Variants in ADGRL3 observed in about 807,000 individuals in gnomAD.
The protein encoded by ADGRL3 is adhesion G protein-coupled receptor L3.
Under a neutral mutation model 153.5 loss-of-function variants are expected in ADGRL3, and 62 were observed. The ratio of observed to expected loss-of-function variants is 0.40; its 90% confidence interval spans 0.33 to 0.50. The LOEUF is 0.50. Ranked by LOEUF, ADGRL3 falls within the 20% of genes least tolerant of loss-of-function variation. ADGRL3 has a pLI of 0.47. For missense variants in ADGRL3, 1,641 were observed against 1,859.4 expected, an observed-to-expected ratio of 0.88 and a Z score of 2.16; for synonymous variants, 710 against 672.5, an observed-to-expected ratio of 1.06 and a Z score of -0.86.
intron 8 of ADGRL3, among the ~76,000 whole-genome samples, chr4:61,777,221 T>C (rs2097162409): frequency 6.6e-6 from 1 of 151,938 alleles, no homozygotes; most frequent in Non-Finnish European, 1.5e-5. Flanking sequence ...TAGAACCAGC[T>C]ACTCGGGAGG....
intron 11 of ADGRL3, among the ~76,000 whole-genome samples, chr4:61,897,518 C>T (rs1408071756): frequency 6.6e-6 from 1 of 152,162 alleles, no homozygotes; most frequent in East Asian, 1.9e-4. Context: ...ACTCAGTTAC[C>T]TATGCTGTCC....
In ADGRL3 at chr4:61,202,432, G is replaced by C. The variant is rs1297897576; in HGVS notation, c.-240+667G>C. On this transcript the variant is annotated intron_variant, in intron 1 of 26. Coordinates refer to ENST00000683033, the MANE Select transcript of ADGRL3 (RefSeq NM_001387552.1). This position sits in a 1 kb window ranked among gnomAD's most constrained non-coding sequence, Gnocchi z 5.0. The stretch of plus-strand genomic sequence containing the variant: ...GTTTAGACCTGCGTGCCCAGGCTTT[G>C]TTAGGCGGTTTTGGCTGGAGAAAGC... Among the ~76,000 whole-genome samples, 1 of 152,166 alleles carries C rather than the reference G, an allele frequency of 6.6e-6. No individual in the cohort carries two copies.
intron 5 of ADGRL3, among the ~76,000 whole-genome samples, chr4:61,612,570 T>A (rs960443162): frequency 6.6e-6 from 1 of 152,200 alleles, no homozygotes; most frequent in African/African-American, 2.4e-5. Flanking sequence ...GTTATTACCT[T>A]CAGTAGATAG....
intron 8 of ADGRL3, among the ~76,000 whole-genome samples, chr4:61,799,657 A>G (rs2097465134): frequency 6.6e-6 from 1 of 151,950 alleles, no homozygotes; most frequent in Non-Finnish European, 1.5e-5. Context: ...AGTGTTTTGA[A>G]CCTCAGGCAA....
chr4:61,656,838 T>A (rs2094455181), intron 5 of ADGRL3, among the ~76,000 whole-genome samples: 1 of 152,112 alleles, frequency 6.6e-6, no homozygotes, highest in Non-Finnish European at 1.5e-5. Context: ...AATTTAAACA[T>A]TTTAGATGTC....
intron 26 of ADGRL3, among the ~76,000 whole-genome samples, chr4:62,069,267 A>C (rs1236758879): frequency 6.6e-6 from 1 of 152,144 alleles, no homozygotes; most frequent in Non-Finnish European, 1.5e-5. Flanking sequence ...TATAATGGTA[A>C]CATTAATACT....
intron 19 of ADGRL3, among the ~76,000 whole-genome samples, chr4:61,984,660 A>C (rs1378974494): frequency 6.6e-6 from 1 of 151,948 alleles, no homozygotes; most frequent in African/African-American, 2.4e-5. Flanking sequence ...AACAAAAGAA[A>C]CCATTTGACC....
intron 4 of ADGRL3, among the ~76,000 whole-genome samples, chr4:61,577,347 A>T (rs765393873): frequency 5.9e-5 from 9 of 152,024 alleles, no homozygotes; most frequent in Non-Finnish European, 1.3e-4. Flanking sequence ...AAAATTTTGT[A>T]TAGTTTTAAC....
At chr4:61,512,669 A>G (rs940056329) in intron 3 of ADGRL3, among the ~76,000 whole-genome samples, 4 of 152,178 alleles carry the variant, frequency 2.6e-5, no homozygotes, top group Non-Finnish European at 4.4e-5. Flanking sequence ...GAAAGGAAAT[A>G]TTATGAAATG....
At chr4:61,466,138 A>T (rs1406143540) in intron 2 of ADGRL3, among the ~76,000 whole-genome samples, 1 of 152,076 alleles carries the variant, frequency 6.6e-6, no homozygotes, top group African/African-American at 2.4e-5. Flanking sequence ...ATAAATAAAT[A>T]AAATAAATAA....
intron 11 of ADGRL3, among the ~76,000 whole-genome samples, chr4:61,897,578 A>T (rs930905948): frequency 6.6e-6 from 1 of 152,136 alleles, no homozygotes; most frequent in Non-Finnish European, 1.5e-5. Flanking sequence ...TATGCCTCCA[A>T]ATATTTATGC....
intron 5 of ADGRL3, among the ~76,000 whole-genome samples, chr4:61,671,321 A>C (rs1385795182): frequency 6.6e-6 from 1 of 152,202 alleles, no homozygotes; most frequent in Non-Finnish European, 1.5e-5. Context: ...ACAGTAAATG[A>C]TTATCTTTCC....
intron 13 of ADGRL3, 83 bp downstream of exon 13, chr4:61,912,840 G>A: frequency 7.9e-7 from 1 of 1,260,816 alleles, no homozygotes; most frequent in South Asian, 1.2e-5. Context: ...ATAGAAAAAT[G>A]ATAATGTACC....
At chr4:61,517,616 G>A (rs982476226) in intron 4 of ADGRL3, 98 bp downstream of exon 4, 1 of 659,412 alleles carries the variant, frequency 1.5e-6, no homozygotes, top group South Asian at 1.6e-5. Context: ...CTTCTTGTAA[G>A]TTTACTGTCT....
chr4:61,848,934 C>T (rs1353081992), intron 9 of ADGRL3, among the ~76,000 whole-genome samples: 1 of 152,136 alleles, frequency 6.6e-6, no homozygotes. Context: ...AGCTCCAACC[C>T]ATTCAGCTCT....
At chr4:61,405,276 A>G (rs138098505) in intron 2 of ADGRL3, among the ~76,000 whole-genome samples, 100 of 152,174 alleles carry the variant, frequency 6.6e-4, no homozygotes, top group African/African-American at 2.4e-3. Flanking sequence ...TTAGGCTTTA[A>G]CATACTTTCA....
chr4:61,299,299 T>G (rs1489109052), intron 1 of ADGRL3, among the ~76,000 whole-genome samples: 1 of 152,190 alleles, frequency 6.6e-6, no homozygotes, highest in Admixed American at 6.5e-5. Flanking sequence ...GTCAGGGACA[T>G]GCATTCATAG....
chr4:62,061,508 A>C (rs1740144057), intron 25 of ADGRL3, among the ~76,000 whole-genome samples: 1 of 151,968 alleles, frequency 6.6e-6, no homozygotes, highest in Admixed American at 6.6e-5. Flanking sequence ...TTTTACCCAC[A>C]AAGTAAGTTC....
intron 4 of ADGRL3, among the ~76,000 whole-genome samples, chr4:61,520,371 C>G (rs770283827): frequency 1.3e-4 from 20 of 152,084 alleles, no homozygotes; most frequent in Non-Finnish European, 2.8e-4. Flanking sequence ...AAATAATGTT[C>G]CTACAAACCA....
Sources: allele counts gnomAD v4.1 joint callset (sites outside exome capture counted in the v4.1 genomes callset), GRCh38; gene constraint gnomAD v4.1.1; non-coding constraint Gnocchi (gnomAD v3.1); transcripts MANE v1.5; gene names NCBI Gene and HGNC (gene_info 2026-07-23, HGNC 2026-07-21).